Variants in DAB1 observed in about 807,000 individuals in gnomAD.
DAB1 encodes the protein DAB adaptor protein 1, also known as disabled homolog 1.
DAB1 carries 15 observed loss-of-function variants against 64.6 expected under a neutral mutation model. The ratio of observed to expected loss-of-function variants is 0.23; its 90% CI spans 0.16 to 0.36. The LOEUF (loss-of-function observed/expected upper bound fraction) is 0.36. Ranked by LOEUF, DAB1 falls within the 10% of genes least tolerant of loss-of-function variation. The pLI, the probability that DAB1 is intolerant of heterozygous loss-of-function variation, is 1.00. For synonymous variants in DAB1, 235 were observed against 251.9 expected, an observed-to-expected ratio of 0.93 and a Z score of 0.64; for missense variants, 596 against 706.7, an observed-to-expected ratio of 0.84 and a Z score of 1.78.
intron 3 of DAB1, among the ~76,000 whole-genome samples, chr1:58,503,841 GAACA>G (rs556941090): frequency 3.5e-3 from 528 of 152,232 alleles, no homozygotes; most frequent in Non-Finnish European, 6.0e-3. Context: ...ATTGCAACCT[GAACA>G]AACTAAAATA....
chr1:57,780,931 T>C (rs992854204), intron 6 of DAB1, among the ~76,000 whole-genome samples: 5 of 151,550 alleles, frequency 3.3e-5, no homozygotes, highest in African/African-American at 1.2e-4. Context: ...TTTTGCCATG[T>C]TGGCCAGGCT....
rs115706271 is a variant in DAB1, at chr1:57,702,676, C to T, written n.552-53011G>A. Among the ~76,000 whole-genome samples the T allele has an allele frequency of 7.1e-3, 1,086 of 152,220 alleles. 14 individuals carry two copies. Among genetic ancestry groups the T allele is most frequent in the African/African-American group, 0.024 (979 of 41,548 alleles). The stretch of plus-strand genomic sequence containing the variant: ...TCATCAGAATCTAGAGCAGTACTTG[C>T]CATTTGGAAGATATTTAGTAAATTT... On this transcript the variant is annotated intron_variant and non_coding_transcript_variant, in intron 6 of 20. Transcript: ENST00000485760.
intron 4 of DAB1, among the ~76,000 whole-genome samples, chr1:58,276,328 A>C (rs581747): frequency 0.018 from 2,808 of 152,270 alleles, 94 homozygotes; most frequent in African/African-American, 0.065. Context: ...TCATCATTTA[A>C]ATTTTAAAAT....
At chr1:57,569,382 A>G (rs1232335761) in intron 7 of DAB1, among the ~76,000 whole-genome samples, 1 of 152,076 alleles carries the variant, frequency 6.6e-6, no homozygotes, top group African/African-American at 2.4e-5. Flanking sequence ...TGTGGCACAT[A>G]TACACCATGG....
intron 4 of DAB1, among the ~76,000 whole-genome samples, chr1:58,260,479 G>A (rs1241813298): frequency 2.0e-5 from 3 of 152,074 alleles, no homozygotes; most frequent in Non-Finnish European, 4.4e-5. Context: ...TACACATGGG[G>A]CCGTATGCCC....
chr1:58,275,757 T>C (rs1661429027), intron 4 of DAB1, among the ~76,000 whole-genome samples: 1 of 152,176 alleles, frequency 6.6e-6, no homozygotes, highest in South Asian at 2.1e-4. Flanking sequence ...GCTACAGAAA[T>C]AGTATGGTGG....
At chr1:58,048,607 A>C in intron 5 of DAB1, 1 of 1,058,778 alleles carries the variant, frequency 9.4e-7, no homozygotes, top group Non-Finnish European at 1.5e-6. Flanking sequence ...CACAGCTGCC[A>C]CCAAAGCCAC....
chr1:58,107,332 G>A (rs573957080), intron 5 of DAB1, among the ~76,000 whole-genome samples: 4 of 150,462 alleles, frequency 2.7e-5, no homozygotes, highest in South Asian at 2.1e-4. Flanking sequence ...GTAGCTGGGC[G>A]TGGTGGTGGG....
At chr1:57,554,422 C>T (rs1524729) in intron 7 of DAB1, among the ~76,000 whole-genome samples, 11,074 of 152,268 alleles carry the variant, frequency 0.073, 873 homozygotes, top group African/African-American at 0.18. Context: ...AGCAGGTATG[C>T]AAAGCATTTA....
intron 6 of DAB1, among the ~76,000 whole-genome samples, chr1:57,746,331 C>G (rs1648266887): frequency 6.6e-6 from 1 of 151,930 alleles, no homozygotes; most frequent in South Asian, 2.1e-4. Flanking sequence ...CATTTTTTTT[C>G]TGGATATGAT....
rs189261894 is a variant in DAB1, at chr1:58,538,657, G to A, written n.32+8046C>T. On this transcript the variant is annotated intron_variant and non_coding_transcript_variant, in intron 1 of 20. Transcript: ENST00000485760. ...CTTCACTTTGAGCTAAATGGGGGGAGACAGGGGATCTGGCAAGGTTTCTTT... is the reference window on the plus strand; with the variant it reads ...CTTCACTTTGAGCTAAATGGGGGGAAACAGGGGATCTGGCAAGGTTTCTTT... The A allele has an allele frequency of 1.4e-3, 714 of 499,326 alleles. 6 individuals carry two copies. The highest frequency in any genetic ancestry group is 0.013 in the African/African-American group (644 of 50,648). 30.9% of individuals were successfully genotyped at this position (499,326 alleles called of 1,614,324 possible).
intron 4 of DAB1, among the ~76,000 whole-genome samples, chr1:58,179,678 A>G (rs1656672113): frequency 6.6e-6 from 1 of 151,982 alleles, no homozygotes; most frequent in Non-Finnish European, 1.5e-5. Context: ...TAGTAATGTC[A>G]TCTCTTTCAT....
At chr1:57,955,057 C>G (rs141073099) in intron 5 of DAB1, among the ~76,000 whole-genome samples, 14 of 152,184 alleles carry the variant, frequency 9.2e-5, no homozygotes, top group Non-Finnish European at 1.5e-5. Context: ...CTGAATGGAT[C>G]TTGGCTTATA....
chr1:58,223,187 G>C (rs1328844263), intron 4 of DAB1, among the ~76,000 whole-genome samples: 2 of 152,206 alleles, frequency 1.3e-5, no homozygotes, highest in African/African-American at 4.8e-5. Flanking sequence ...CAGAGAATAA[G>C]TATAGAACTC....
intron 5 of DAB1, among the ~76,000 whole-genome samples, chr1:57,944,059 C>T (rs1428510393): frequency 6.6e-6 from 1 of 152,196 alleles, no homozygotes; most frequent in East Asian, 1.9e-4. Flanking sequence ...GCTGTCCACC[C>T]TCACATGGTT....
At chr1:58,052,634 G>C (rs187017179) in intron 5 of DAB1, among the ~76,000 whole-genome samples, 13 of 152,158 alleles carry the variant, frequency 8.5e-5, no homozygotes, top group African/African-American at 3.1e-4. Flanking sequence ...AATTACCTTG[G>C]GCAGTATGGC....
At chr1:57,235,720 A>AAC (rs1276374503) in intron 2 of DAB1, among the ~76,000 whole-genome samples, 3 of 151,820 alleles carry the variant, frequency 2.0e-5, no homozygotes, top group Non-Finnish European at 4.4e-5. Flanking sequence ...AAAAGAAAAA[A>AAC]AAACAAGCTT....
chr1:57,583,746 A>G (rs1570648521), intron 7 of DAB1, among the ~76,000 whole-genome samples: 3 of 152,250 alleles, frequency 2.0e-5, no homozygotes, highest in Admixed American at 6.5e-5. Context: ...ATTTCTTCCA[A>G]TTGCCCTCAT....
intron 4 of DAB1, among the ~76,000 whole-genome samples, chr1:58,245,403 C>T (rs183163065): frequency 1.3e-3 from 204 of 152,262 alleles, no homozygotes; most frequent in Middle Eastern, 6.8e-3. Flanking sequence ...ATCACGTGTG[C>T]CTCTGTTTTT....
Sources: allele counts gnomAD v4.1 joint callset (sites outside exome capture counted in the v4.1 genomes callset), GRCh38; gene constraint gnomAD v4.1.1; transcripts MANE v1.5; gene names NCBI Gene and HGNC (gene_info 2026-07-23, HGNC 2026-07-21).